The following MCC variants were observed in gnomAD, a reference collection of about 807,000 sequenced individuals.
The protein encoded by MCC is MCC regulator of Wnt signaling pathway.
MCC carries 90 observed loss-of-function variants against 116.2 expected under a neutral mutation model. The observed-to-expected ratio is 0.77, with a 90% CI of 0.65 to 0.92. The LOEUF (loss-of-function observed/expected upper bound fraction) is 0.92, where lower values mean the gene tolerates loss of function less well. MCC is among the 40% of genes least tolerant of loss of function. The pLI is 0.00. For missense variants in MCC, 1,516 were observed against 1,312.2 expected (o/e 1.16, Z -2.40); for synonymous variants, 578 against 510.5 (o/e 1.13, Z -1.78).
intron 3 of MCC, among the ~76,000 whole-genome samples, chr5:113,227,245 TAG>T (rs1281200656): frequency 1.3e-5 from 2 of 152,212 alleles, no homozygotes; most frequent in African/African-American, 4.8e-5. Flanking sequence ...ATCCTGTTTC[TAG>T]AGCAACTTCT....
In MCC at chr5:113,028,959, C is replaced by A; in HGVS notation, c.2854G>T (p.Val952Leu). The A allele has an allele frequency of 6.2e-7, 1 of 1,614,006 alleles. No individual in the cohort carries two copies. ...CTGTTGGCCCGCTTTAGATCATTCA[C>A]GAACTCTGCAGATTGCTGATGTCGG... is the stretch of plus-strand genomic sequence containing the variant. ...EIRHQQSAEF[V>L]NDLKRANSNL... Residue 952 changes from valine to leucine, a missense_variant, in exon 18 of 19, where the codon GTG becomes TTG. By Grantham distance (32) the Val-to-Leu change is conservative. Transcript: ENST00000408903.
chr5:113,418,152 G>C (rs1770210148), intron 1 of MCC, among the ~76,000 whole-genome samples: 1 of 151,872 alleles, frequency 6.6e-6, no homozygotes, highest in African/African-American at 2.4e-5. Flanking sequence ...TTTGATAGAG[G>C]CTTCAGGTAT....
intron 2 of MCC, among the ~76,000 whole-genome samples, chr5:113,341,900 T>G (rs1028658139): frequency 2.0e-5 from 3 of 152,240 alleles, no homozygotes; most frequent in Admixed American, 6.5e-5. Context: ...ATGAATAAGT[T>G]CTTTAGTGGT....
intron 3 of MCC, among the ~76,000 whole-genome samples, chr5:113,337,420 G>A (rs566583409): frequency 2.1e-4 from 32 of 152,306 alleles, no homozygotes; most frequent in African/African-American, 7.7e-4. Flanking sequence ...GAAATTCTCT[G>A]CAATTCAGTG....
At chr5:113,210,483 G>A (rs1763091251) in intron 3 of MCC, among the ~76,000 whole-genome samples, 1 of 152,180 alleles carries the variant, frequency 6.6e-6, no homozygotes. Context: ...TAGTGTATTA[G>A]ATAAATGTGT....
At chr5:113,055,315 G>C (rs1352435470) in intron 14 of MCC, among the ~76,000 whole-genome samples, 1 of 152,136 alleles carries the variant, frequency 6.6e-6, no homozygotes, top group Non-Finnish European at 1.5e-5. Context: ...ACCCAGGCCT[G>C]CCCTCCTCAT....
chr5:113,324,540 A>G (rs1238711656), intron 3 of MCC, among the ~76,000 whole-genome samples: 1 of 152,172 alleles, frequency 6.6e-6, no homozygotes, highest in Non-Finnish European at 1.5e-5. Flanking sequence ...TACTGGCTAA[A>G]CCTAAGATTT....
At chr5:113,414,587 C>A (rs1475562593) in intron 1 of MCC, among the ~76,000 whole-genome samples, 1 of 152,180 alleles carries the variant, frequency 6.6e-6, no homozygotes, top group East Asian at 1.9e-4. Context: ...AGAATTGCAA[C>A]CCCTGCTTTT....
chr5:113,232,841 A>G (rs1300130262), intron 3 of MCC, among the ~76,000 whole-genome samples: 4 of 152,170 alleles, frequency 2.6e-5, no homozygotes, highest in African/African-American at 9.7e-5. Context: ...GCTTAAAGCC[A>G]GGCTCTACCA....
At chr5:113,383,647 C>T (rs1300973438) in intron 2 of MCC, among the ~76,000 whole-genome samples, 1 of 151,418 alleles carries the variant, frequency 6.6e-6, no homozygotes, top group Non-Finnish European at 1.5e-5. Flanking sequence ...CCTTTTTTTC[C>T]CCGTGTTTTT....
chr5:113,027,285 C>A lies in MCC; in HGVS notation c.*17G>T. 1 of 1,612,584 alleles carries A rather than the reference C, an allele frequency of 6.2e-7. No homozygotes were observed. The highest frequency in any genetic ancestry group is 8.5e-7 in the Non-Finnish European group (1 of 1,179,018). ...AGTTTACTTCCCATGGGCAGAACTC[C>A]GGTGCGTGAGTGCTGATTAAAGCGA... On this transcript the variant is annotated 3_prime_UTR_variant, in exon 19 of 19. Transcript: ENST00000408903.
intron 2 of MCC, among the ~76,000 whole-genome samples, chr5:113,376,976 T>A (rs1769002289): frequency 6.6e-6 from 1 of 152,070 alleles, no homozygotes; most frequent in Non-Finnish European, 1.5e-5. Context: ...GAAGAATCCC[T>A]CTTTTCTCTG....
intron 3 of MCC, among the ~76,000 whole-genome samples, chr5:113,274,881 T>C (rs1477070673): frequency 1.3e-5 from 2 of 152,220 alleles, no homozygotes; most frequent in African/African-American, 2.4e-5. Flanking sequence ...TTATACCTTA[T>C]GCTTGAGAAA....
intron 13 of MCC, 71 bp downstream of exon 13, chr5:113,068,009 T>C: frequency 7.5e-7 from 1 of 1,341,826 alleles, no homozygotes; most frequent in East Asian, 2.3e-5. Context: ...CAATGCCAGT[T>C]GCTGAGACAG....
chr5:113,374,362 T>C (rs1002996429), intron 2 of MCC, among the ~76,000 whole-genome samples: 2 of 152,072 alleles, frequency 1.3e-5, no homozygotes, highest in African/African-American at 4.8e-5. Context: ...ACTAAAACAA[T>C]TGTCAGCTCA....
chr5:113,440,374 C>T (rs1770998692), intron 1 of MCC, among the ~76,000 whole-genome samples: 1 of 152,054 alleles, frequency 6.6e-6, no homozygotes. Flanking sequence ...TCAGTTACAC[C>T]CTCCACCCAC....
rs185619039 is a variant in MCC, at chr5:113,085,023, A to G, written c.1545+141T>C. 106 of 1,098,998 alleles carry G rather than the reference A, an allele frequency of 9.6e-5. No individual in the cohort carries two copies. In the East Asian group the frequency reaches 2.4e-3, roughly 25 times the overall value. The allele number at this position is 1,098,998 out of a possible 1,614,324, so 68.1% of individuals were successfully genotyped here. On this transcript the variant is annotated intron_variant, in intron 9 of 18. Transcript: ENST00000408903. ...TTATCTCTCCTTGCAGCTCCTGCAT[A>G]GAAGGCCTGCGTAAGGTCCCAGGGG...
chr5:113,385,294 A>G (rs1038882673), intron 1 of MCC, 82 bp from the exon 2 acceptor site: 3 of 1,379,176 alleles, frequency 2.2e-6, no homozygotes, highest in Non-Finnish European at 2.0e-6. Context: ...AAAAAAAGGT[A>G]TTTCTTAAAT....
At chr5:113,072,241 T>G (rs983288715) in intron 11 of MCC, among the ~76,000 whole-genome samples, 6 of 152,180 alleles carry the variant, frequency 3.9e-5, no homozygotes, top group African/African-American at 1.4e-4. Flanking sequence ...AATCTTAGAC[T>G]CAAGCCTTAG....
Sources: allele counts gnomAD v4.1 joint callset (sites outside exome capture counted in the v4.1 genomes callset), GRCh38; gene constraint gnomAD v4.1.1; transcripts MANE v1.5; gene names NCBI Gene and HGNC (gene_info 2026-07-23, HGNC 2026-07-21).